The following PAK1 variants were observed in gnomAD, a reference collection of about 807,000 sequenced individuals.
PAK1 encodes p21 (RAC1) activated kinase 1.
PAK1 carries 29 observed loss-of-function variants against 67.4 expected under a neutral mutation model. The ratio of observed to expected loss-of-function variants is 0.43; its 90% CI spans 0.32 to 0.59. The LOEUF is 0.59. Ranked by LOEUF, PAK1 falls within the 20% of genes least tolerant of loss-of-function variation. The pLI, the probability that PAK1 is intolerant of heterozygous loss-of-function variation, is 0.07. For missense variants in PAK1, 337 were observed against 670.7 expected (o/e 0.50, Z 5.50); for synonymous variants, 223 against 237.4 (o/e 0.94, Z 0.56).
At chr11:77,356,021 C>A in intron 6 of PAK1, 179 bp from the exon 7 acceptor site, 1 of 549,564 alleles carries the variant, frequency 1.8e-6, no homozygotes, top group Non-Finnish European at 3.2e-6. Flanking sequence ...GGTAAAATGG[C>A]CTTCCTTACT....
chr11:77,323,343 A>G lies in PAK1; in HGVS notation c.1569T>C (p.Ile523=), dbSNP rs1408242358. Residue 523 remains isoleucine, a synonymous_variant, in exon 15 of 15, where the codon ATT becomes ATC. Transcript: ENST00000356341. ...GAGTGAGGCTGGAGAGGGGCTTGGC[A>G]ATCTTCAGGAATTGATGCTAGAAAG... ...KELLQHQFLK[I]AKPLSSLTPL... 1 of 1,610,512 alleles carries G rather than the reference A, an allele frequency of 6.2e-7. No individual in the cohort carries two copies. Among genetic ancestry groups the G allele is most frequent in the Non-Finnish European group, 8.5e-7 (1 of 1,176,714 alleles).
At chr11:77,371,942 C>A (rs557713271) in intron 5 of PAK1, among the ~76,000 whole-genome samples, 2 of 152,168 alleles carry the variant, frequency 1.3e-5, no homozygotes, top group Non-Finnish European at 2.9e-5. Context: ...TCAATGACAT[C>A]TTTTTTTGTT....
intron 1 of PAK1, among the ~76,000 whole-genome samples, chr11:77,435,273 G>A (rs1956069405): frequency 6.6e-6 from 1 of 152,160 alleles, no homozygotes; most frequent in African/African-American, 2.4e-5. Flanking sequence ...ATGGTAGAAT[G>A]GCAAGAATAC....
chr11:77,404,328 C>A (rs897231742), intron 1 of PAK1, among the ~76,000 whole-genome samples: 1 of 151,408 alleles, frequency 6.6e-6, no homozygotes, highest in African/African-American at 2.4e-5. Flanking sequence ...AGTGCAGTGG[C>A]GCAATCTCGG....
intron 1 of PAK1, among the ~76,000 whole-genome samples, chr11:77,470,210 AG>A (rs1957784501): frequency 6.6e-6 from 1 of 152,186 alleles, no homozygotes; most frequent in Non-Finnish European, 1.5e-5. Flanking sequence ...TTTTTGTTTT[AG>A]TTTTCCCCAA....
chr11:77,343,721 G>T (rs1158598047), intron 10 of PAK1, 98 bp downstream of exon 10: 2 of 744,834 alleles, frequency 2.7e-6, no homozygotes, highest in African/African-American at 3.5e-5. Flanking sequence ...CATAAATGGA[G>T]GCAGTTCTGA....
intron 1 of PAK1, among the ~76,000 whole-genome samples, chr11:77,466,727 CACAGAGCTT>C (rs994770812): frequency 6.6e-6 from 1 of 152,098 alleles, no homozygotes; most frequent in African/African-American, 2.4e-5. Context: ...TGCATATATC[CACAGAGCTT>C]ACCTGATTCC....
At chr11:77,324,776 C>CACAGAG (rs1555136259) in intron 14 of PAK1, among the ~76,000 whole-genome samples, 16 of 126,820 alleles carry the variant, frequency 1.3e-4, no homozygotes, top group Admixed American at 8.0e-4. Flanking sequence ...CACACACACA[C>CACAGAG]AGAGAGAGAG....
chr11:77,437,459 A>G (rs1432153917), intron 1 of PAK1, among the ~76,000 whole-genome samples: 1 of 152,330 alleles, frequency 6.6e-6, no homozygotes, highest in Non-Finnish European at 1.5e-5. Context: ...GATTATAATA[A>G]TATTATTAAT....
chr11:77,510,693 T>C, the PAK1 span, among the ~76,000 whole-genome samples: 2 of 152,248 alleles, frequency 1.3e-5, no homozygotes, highest in Non-Finnish European at 2.9e-5. Context: ...GCTTCACATA[T>C]GATATTATTC....
chr11:77,322,032 CT>C lies in PAK1; in HGVS notation c.*1241del. Reference sequence around the variant, plus strand: ...TACTCCAATAGAATATTTTCATCTCCTTTTATTGACAGAAATAGAAATTTGT... The same window carrying C: ...TACTCCAATAGAATATTTTCATCTCCTTTATTGACAGAAATAGAAATTTGT... On this transcript the variant is annotated 3_prime_UTR_variant, in exon 15 of 15. Transcript: ENST00000356341. 1 of 204,940 alleles carries C rather than the reference CT, an allele frequency of 4.9e-6. No individual in the cohort carries two copies. The highest frequency in any genetic ancestry group is 1.0e-5 in the Non-Finnish European group (1 of 99,802). The allele number at this position is 204,940 out of a possible 1,614,324, so 12.7% of individuals were successfully genotyped here. A position where few individuals can be genotyped will look rare whatever the true frequency, so the allele number is the denominator to read the frequency against.
the PAK1 span, among the ~76,000 whole-genome samples, chr11:77,520,894 A>C: frequency 0.34 from 51,100 of 151,826 alleles, 8,776 homozygotes; most frequent in East Asian, 0.39. Flanking sequence ...ATCCTTATAT[A>C]CCCGAGTCCT....
At chr11:77,460,319 T>C (rs1464741492) in intron 1 of PAK1, among the ~76,000 whole-genome samples, 1 of 122,128 alleles carries the variant, frequency 8.2e-6, no homozygotes, top group African/African-American at 3.0e-5. Flanking sequence ...AGGTTTTTTG[T>C]TTGCTTTTTT....
At chr11:77,324,864 T>C (rs1325950603) in intron 14 of PAK1, among the ~76,000 whole-genome samples, 1 of 152,088 alleles carries the variant, frequency 6.6e-6, no homozygotes, top group Non-Finnish European at 1.5e-5. Context: ...TTGCTGCAAC[T>C]TCTGTTGGGA....
chr11:77,340,113 T>C (rs1321556264), intron 11 of PAK1, among the ~76,000 whole-genome samples: 3 of 152,158 alleles, frequency 2.0e-5, no homozygotes, highest in Middle Eastern at 3.2e-3. Flanking sequence ...TCTTTTTTTA[T>C]TTTCCTGGAA....
chr11:77,405,674 G>GACAGACAGAC (rs1491443193), intron 1 of PAK1, among the ~76,000 whole-genome samples: 2 of 125,892 alleles, frequency 1.6e-5, no homozygotes, highest in East Asian at 2.2e-4. Flanking sequence ...CAGACAGACA[G>GACAGACAGAC]ACACACACAC....
intron 1 of PAK1, among the ~76,000 whole-genome samples, chr11:77,452,648 T>C (rs144246070): frequency 1.3e-3 from 194 of 152,192 alleles, no homozygotes; most frequent in African/African-American, 4.4e-3. Context: ...TTATTTACAG[T>C]ATAGACGAAG....
chr11:77,382,773 G>C (rs576220), intron 2 of PAK1, among the ~76,000 whole-genome samples: 3 of 151,986 alleles, frequency 2.0e-5, no homozygotes, highest in African/African-American at 7.2e-5. Context: ...TGAAGCAGGC[G>C]GATCACTTGA....
chr11:77,356,877 G>C (rs961468320), intron 6 of PAK1, among the ~76,000 whole-genome samples: 4 of 152,176 alleles, frequency 2.6e-5, no homozygotes, highest in Non-Finnish European at 5.9e-5. Context: ...AGGTTCAGAA[G>C]TGATCATAAA....
Sources: gnomAD v4.1 joint callset for allele counts (sites outside exome capture counted in the v4.1 genomes callset) on GRCh38, gnomAD v4.1.1 for gene constraint, MANE v1.5 for transcripts, NCBI Gene and HGNC (gene_info 2026-07-23, HGNC 2026-07-21) for gene names.